YWHAQ: variants seen among roughly 807,000 people sequenced by gnomAD.
YWHAQ encodes tyrosine 3-monooxygenase/tryptophan 5-monooxygenase activation protein theta.
In YWHAQ, 6 loss-of-function variants were observed where a neutral mutation model predicts 28.3. The observed-to-expected ratio is 0.21, with a 90% CI of 0.12 to 0.42. The LOEUF is 0.42. YWHAQ is among the 10% of genes least tolerant of loss of function. YWHAQ has a pLI of 1.00. For synonymous variants in YWHAQ, 143 were observed against 119.1 expected (o/e 1.20, Z -1.31); for missense variants, 201 against 305.6 (o/e 0.66, Z 2.55).
Position 9,587,456 on chromosome 2 carries a change from T to C in YWHAQ, c.636A>G (p.Lys212=). Residue 212 remains lysine (K), a synonymous_variant, in exon 5 of 6, where the codon AAA becomes AAG. Coordinates refer to ENST00000238081, the MANE Select transcript of YWHAQ (RefSeq NM_006826.4). ...ELDTLNEDSY[K]DSTLIMQLLR... is the part of the protein sequence containing the mutation. ...GCAACTGCATGATGAGGGTGCTGTC[T>C]TTGTATGAGTCTTCATTCAGTGTAT... 6.2e-7 allele frequency: 1 copy of C among 1,612,006 alleles called. No individual in the cohort carries two copies. The highest frequency in any genetic ancestry group is 1.1e-5 in the South Asian group (1 of 90,584).
chr2:9,621,215 C>A (rs1667136389), intron 2 of YWHAQ, among the ~76,000 whole-genome samples: 1 of 151,856 alleles, frequency 6.6e-6, no homozygotes, highest in African/African-American at 2.4e-5. Flanking sequence ...AACCACTGTC[C>A]CAGAGTATGG....
intron 2 of YWHAQ, among the ~76,000 whole-genome samples, chr2:9,621,679 C>T (rs565111477): frequency 1.2e-4 from 19 of 152,092 alleles, no homozygotes; most frequent in Non-Finnish European, 2.4e-4. Context: ...GTATAAAACC[C>T]AAACCCATAT....
intron 2 of YWHAQ, among the ~76,000 whole-genome samples, chr2:9,610,697 G>A (rs751126067): frequency 6.6e-5 from 10 of 152,032 alleles, no homozygotes; most frequent in Non-Finnish European, 1.3e-4. Context: ...TAATAGAGAC[G>A]GGGTTTCTCC....
Position 9,630,142 on chromosome 2 carries a change from C to T in YWHAQ, c.294+17G>A, listed in dbSNP as rs1246830227. 1.9e-6 allele frequency: 3 copies of T among 1,601,062 alleles called. No individual in the cohort carries two copies. The highest frequency in any genetic ancestry group is 1.1e-5 in the South Asian group (1 of 90,788). On this transcript the variant is annotated intron_variant, in intron 2 of 5. Coordinates refer to ENST00000238081, the MANE Select transcript of YWHAQ (RefSeq NM_006826.4). This position sits in a 1 kb window ranked among gnomAD's most constrained non-coding sequence, Gnocchi z 5.6. ...TCTCACAAAAGGCCTCCCCTGCTCC[C>T]CGCGCCGAGGACTCACCAGCACCGT... is the stretch of plus-strand genomic sequence containing the variant.
chr2:9,589,102 G>A (rs1307851698), intron 3 of YWHAQ, among the ~76,000 whole-genome samples: 1 of 152,000 alleles, frequency 6.6e-6, no homozygotes, highest in East Asian at 1.9e-4. Context: ...CAACCTCAGT[G>A]ACAGTTTGTC....
chr2:9,619,718 G>A (rs1389377949), intron 2 of YWHAQ, among the ~76,000 whole-genome samples: 1 of 152,304 alleles, frequency 6.6e-6, no homozygotes, highest in East Asian at 1.9e-4. Context: ...ATAATCAAGA[G>A]TATTTTAAAT....
Position 9,586,140 on chromosome 2 carries a change from C to A in YWHAQ, c.679-795G>T, listed in dbSNP as rs143083869. On this transcript the variant is annotated intron_variant, in intron 5 of 5. Coordinates refer to ENST00000238081, the MANE Select transcript of YWHAQ (RefSeq NM_006826.4). ...CTAAACTATAGGAAAAGCAGACTTACTTTGTGTTTCTCCAAGAATTAAATA... is the reference window on the plus strand; with the variant it reads ...CTAAACTATAGGAAAAGCAGACTTAATTTGTGTTTCTCCAAGAATTAAATA... 4.5e-3 allele frequency among the ~76,000 whole-genome samples: 689 copies of A among 152,254 alleles called. 7 individuals carry two copies. Among genetic ancestry groups the A allele is most frequent in the Non-Finnish European group, 4.9e-3 (330 of 68,012 alleles).
chr2:9,592,798 T>C (rs1449584081), intron 2 of YWHAQ, among the ~76,000 whole-genome samples: 1 of 152,154 alleles, frequency 6.6e-6, no homozygotes, highest in East Asian at 1.9e-4. Flanking sequence ...CTCATAAAAA[T>C]GTTAAGATAC....
chr2:9,597,634 CAAAAAAAAAAAAAAAAAAAG>C lies in YWHAQ; in HGVS notation c.295-6139_295-6120del, dbSNP rs1259788741. On this transcript the variant is annotated intron_variant, in intron 2 of 5. Transcript: ENST00000238081. Reference sequence around the variant, plus strand: ...TGGGCAAAAGAGCGAAACTCCGTCTCAAAAAAAAAAAAAAAAAAAGAAAAAGAAAAAAAAATTGTTAAGAC... The same window carrying C: ...TGGGCAAAAGAGCGAAACTCCGTCTCAAAAAGAAAAAAAAATTGTTAAGAC... Among the ~76,000 whole-genome samples the C allele has an allele frequency of 9.3e-5, 7 of 75,324 alleles. No individual in the cohort carries two copies. In the East Asian group the frequency reaches 3.2e-3, roughly 35 times the overall value. The allele number at this position is 75,324 out of a possible 152,430, so 49.4% of individuals were successfully genotyped here.
At chr2:9,588,525 C>T (rs1225481550) in intron 3 of YWHAQ, among the ~76,000 whole-genome samples, 197 bp from the exon 4 acceptor site, 1 of 152,156 alleles carries the variant, frequency 6.6e-6, no homozygotes, top group East Asian at 1.9e-4. Context: ...AATCCCAGCA[C>T]TTTGGGAGGC....
intron 2 of YWHAQ, among the ~76,000 whole-genome samples, chr2:9,607,592 G>A (rs1666858489): frequency 6.6e-6 from 1 of 151,944 alleles, no homozygotes; most frequent in Non-Finnish European, 1.5e-5. Flanking sequence ...TGTGATTTCA[G>A]CACAAATAAA....
chr2:9,601,241 C>T (rs1373622707), intron 2 of YWHAQ, among the ~76,000 whole-genome samples: 1 of 152,138 alleles, frequency 6.6e-6, no homozygotes, highest in Non-Finnish European at 1.5e-5. Context: ...GTGGGTGGAT[C>T]ACCTGAAGTC....
At chr2:9,591,326 G>C in intron 3 of YWHAQ, 66 bp downstream of exon 3, 1 of 1,559,674 alleles carries the variant, frequency 6.4e-7, no homozygotes, top group Non-Finnish European at 8.7e-7. Flanking sequence ...TACTGTCATA[G>C]TGTCCCATTT....
chr2:9,626,013 A>G (rs1288442343), intron 2 of YWHAQ, among the ~76,000 whole-genome samples: 6 of 152,206 alleles, frequency 3.9e-5, no homozygotes, highest in Non-Finnish European at 8.8e-5. Flanking sequence ...TTTTATTGAG[A>G]TTAAATTTAA....
intron 2 of YWHAQ, among the ~76,000 whole-genome samples, chr2:9,593,236 C>CTTTTT (rs34085406): frequency 2.3e-4 from 27 of 114,934 alleles, no homozygotes; most frequent in African/African-American, 7.1e-4. Flanking sequence ...GCATCCATGT[C>CTTTTT]TTTTTTTTTT....
rs765018439 is a variant in YWHAQ, at chr2:9,593,919, T to TACACACAC, written c.295-2405_295-2404insGTGTGTGT. Among the ~76,000 whole-genome samples the TACACACAC allele has an allele frequency of 2.7e-3, 334 of 124,944 alleles. 1 individual carries two copies. Among genetic ancestry groups the TACACACAC allele is most frequent in the Admixed American group, 4.7e-3 (62 of 13,278 alleles). 82.0% of individuals were successfully genotyped at this position (124,944 alleles called of 152,430 possible). A position where few individuals can be genotyped will look rare whatever the true frequency, so the allele number is the denominator to read the frequency against. Reference sequence around the variant, plus strand: ...AGATTAAAAAAAATATATATATATATATATACACACACACACACACACACT... The same window carrying TACACACAC: ...AGATTAAAAAAAATATATATATATATACACACACATATACACACACACACACACACACT... On this transcript the variant is annotated intron_variant, in intron 2 of 5. Transcript: ENST00000238081.
At chr2:9,592,454 G>A (rs375027363) in intron 2 of YWHAQ, among the ~76,000 whole-genome samples, 15 of 152,006 alleles carry the variant, frequency 9.9e-5, no homozygotes, top group Non-Finnish European at 5.9e-5. Flanking sequence ...GGCCGGGCGC[G>A]GTGGCTCACG....
chr2:9,587,591 A>G (rs1666370486), intron 4 of YWHAQ, 82 bp from the exon 5 acceptor site: 1 of 1,204,322 alleles, frequency 8.3e-7, no homozygotes, highest in Non-Finnish European at 1.2e-6. Context: ...TTTTTACAAA[A>G]TAAGTGAACA....
chr2:9,616,871 A>G (rs1415472992), intron 2 of YWHAQ, among the ~76,000 whole-genome samples: 2 of 152,258 alleles, frequency 1.3e-5, no homozygotes, highest in African/African-American at 2.4e-5. Context: ...AAATTCTCAC[A>G]GCAGCATTAT....
Sources: gnomAD v4.1 joint callset for allele counts (sites outside exome capture counted in the v4.1 genomes callset) on GRCh38, gnomAD v4.1.1 for gene constraint, Gnocchi (gnomAD v3.1) non-coding constraint, MANE v1.5 for transcripts, NCBI Gene and HGNC (gene_info 2026-07-23, HGNC 2026-07-21) for gene names.